Variants in MTCL1 observed in about 807,000 individuals in gnomAD.
MTCL1 encodes microtubule cross-linking factor 1.
A neutral mutation model predicts 141.4 loss-of-function variants in MTCL1; 79 were observed. That is an observed-to-expected ratio of 0.56 (90% CI 0.47 to 0.67). The LOEUF (loss-of-function observed/expected upper bound fraction) is 0.67, where lower values mean the gene tolerates loss of function less well. Among genes scored for constraint, MTCL1 ranks in the 30% least tolerant of loss-of-function variants. MTCL1 has a pLI of 0.00. For synonymous variants in MTCL1, 914 were observed against 875.8 expected, an observed-to-expected ratio of 1.04 and a Z score of -0.77; for missense variants, 2,177 against 2,113.9, an observed-to-expected ratio of 1.03 and a Z score of -0.59.
intron 11 of MTCL1, among the ~76,000 whole-genome samples, chr18:8,811,415 A>G (rs1283620026): frequency 6.6e-6 from 1 of 152,184 alleles, no homozygotes; most frequent in Admixed American, 6.5e-5. Flanking sequence ...GACACTGGGG[A>G]TCAGATTTCA....
chr18:8,771,898 G>T (rs764142455), intron 4 of MTCL1, among the ~76,000 whole-genome samples: 5 of 152,202 alleles, frequency 3.3e-5, no homozygotes, highest in Non-Finnish European at 7.3e-5. Flanking sequence ...TTAATAGTCT[G>T]CATTTACCTG....
intron 4 of MTCL1, among the ~76,000 whole-genome samples, chr18:8,749,192 G>A (rs1598480149): frequency 1.3e-5 from 2 of 152,324 alleles, no homozygotes. Context: ...TTTCATAAAG[G>A]CATGGGAGAG....
intron 7 of MTCL1, among the ~76,000 whole-genome samples, chr18:8,788,594 C>T (rs2075606022): frequency 1.3e-5 from 2 of 152,204 alleles, no homozygotes; most frequent in South Asian, 4.1e-4. Flanking sequence ...GTACCAGCAG[C>T]AGCAGTTGTA....
intron 2 of MTCL1, among the ~76,000 whole-genome samples, 171 bp from the exon 2 acceptor site, chr18:8,718,253 A>G (rs2096143126): frequency 6.6e-6 from 1 of 152,096 alleles, no homozygotes; most frequent in Non-Finnish European, 1.5e-5. Context: ...ATATTATCTC[A>G]TATGCAAATT....
chr18:8,734,596 T>C (rs1042240473), intron 4 of MTCL1, among the ~76,000 whole-genome samples: 1 of 152,144 alleles, frequency 6.6e-6, no homozygotes, highest in Admixed American at 6.5e-5. Flanking sequence ...CTCTAGATGT[T>C]TGGGCCCTTC....
In MTCL1 at chr18:8,825,893, G is replaced by C. The variant is rs757315801; in HGVS notation, c.4383G>C (p.Gln1461His). The change falls in exon 15 of 17, where the codon CAG becomes CAC. Residue 1461 changes from glutamine to histidine, a missense_variant. Transcript: ENST00000359865. The stretch of plus-strand genomic sequence containing the variant: ...GCCCCGTGGTGCAGGACCCCTTCCA[G>C]AAGGGGCTGCGGGCCGGCAGTCGGT... The C allele has an allele frequency of 3.7e-6, 6 of 1,613,462 alleles. No homozygotes were observed. The African/African-American group carries it at 8.0e-5, about 22-fold the overall frequency.
At chr18:8,794,187 G>A (rs1044931942) in intron 8 of MTCL1, among the ~76,000 whole-genome samples, 2 of 152,190 alleles carry the variant, frequency 1.3e-5, no homozygotes, top group Admixed American at 6.5e-5. Context: ...TGTTTGCATG[G>A]CACCAAAAAT....
At chr18:8,831,619 T>C in exon 17 of MTCL1, 1 of 1,550,554 alleles carries the variant, frequency 6.4e-7, no homozygotes, top group Non-Finnish European at 8.7e-7. Context: ...ACTACCTTGT[T>C]CTGCACTAGC....
At chr18:8,807,877 T>C (rs1311475998) in intron 11 of MTCL1, among the ~76,000 whole-genome samples, 2 of 152,070 alleles carry the variant, frequency 1.3e-5, no homozygotes, top group Non-Finnish European at 2.9e-5. Flanking sequence ...CTAGACTCTA[T>C]TTTGAGGCAA....
intron 4 of MTCL1, among the ~76,000 whole-genome samples, chr18:8,748,102 C>G (rs953316954): frequency 6.6e-6 from 1 of 152,154 alleles, no homozygotes; most frequent in African/African-American, 2.4e-5. Flanking sequence ...GCACCCCTGT[C>G]AGCTCTCTCC....
intron 4 of MTCL1, among the ~76,000 whole-genome samples, chr18:8,725,790 C>CTTTTTTTTTTTTTTTTTT (rs796484848): frequency 4.9e-5 from 3 of 61,068 alleles, no homozygotes; most frequent in African/African-American, 1.6e-4. Context: ...TTTTTTTTTT[C>CTTTTTTTTTTTTTTTTTT]TTTTTTTTTT....
intron 15 of MTCL1, 22 bp downstream of exon 14, chr18:8,826,254 A>G: frequency 6.5e-7 from 1 of 1,536,976 alleles, no homozygotes. Flanking sequence ...TGAGTGCCCC[A>G]CACCCTTCCC....
intron 4 of MTCL1, among the ~76,000 whole-genome samples, chr18:8,730,295 C>G (rs1412602702): frequency 6.6e-6 from 1 of 152,112 alleles, no homozygotes; most frequent in Non-Finnish European, 1.5e-5. Context: ...ACCTCTTTGC[C>G]TTTTGGTATG....
intron 3 of MTCL1, among the ~76,000 whole-genome samples, chr18:8,719,093 T>C (rs2096150821): frequency 6.6e-6 from 1 of 152,204 alleles, no homozygotes; most frequent in African/African-American, 2.4e-5. Flanking sequence ...CAAGTGAGAA[T>C]TGTGTAGTGA....
At chr18:8,821,579 A>T in intron 14 of MTCL1, 81 bp downstream of exon 13, 1 of 694,058 alleles carries the variant, frequency 1.4e-6, no homozygotes. Context: ...AATGCAGTCT[A>T]TTTTACCACT....
At chr18:8,821,349 T>C (rs2076840078) in intron 13 of MTCL1, 118 bp from the exon 13 acceptor site, 1 of 656,320 alleles carries the variant, frequency 1.5e-6, no homozygotes, top group East Asian at 2.9e-5. Context: ...TTGGCCTCAG[T>C]GCACATTTTA....
At chr18:8,729,118 A>G (rs2096236027) in intron 4 of MTCL1, among the ~76,000 whole-genome samples, 1 of 151,870 alleles carries the variant, frequency 6.6e-6, no homozygotes, top group Non-Finnish European at 1.5e-5. Context: ...ATCACAGCTC[A>G]AGGCAGCCTG....
intron 4 of MTCL1, among the ~76,000 whole-genome samples, chr18:8,732,863 G>C (rs2096257777): frequency 6.6e-6 from 1 of 152,240 alleles, no homozygotes; most frequent in African/African-American, 2.4e-5. Context: ...TTGCATCGTA[G>C]ATATGCTTTC....
At position 8,785,695 on chromosome 18, in the gene MTCL1, T is replaced by G. The variant is rs1282886706; in HGVS notation, c.1732-241T>G. 7.5e-6 allele frequency: 4 copies of G among 536,322 alleles called. No homozygotes were observed. The East Asian group carries it at 1.3e-4, about 18-fold the overall frequency. 33.2% of individuals were successfully genotyped at this position (536,322 alleles called of 1,614,324 possible). A position where few individuals can be genotyped will look rare whatever the true frequency, so the allele number is the denominator to read the frequency against. On this transcript the variant is annotated intron_variant, in intron 6 of 16. Transcript: ENST00000359865. ...TTTCTCTTTTTGCTTTTCAGATGTG[T>G]CCACCCGCCCCTTTGCTCATCCTCA...
Sources: allele counts gnomAD v4.1 joint callset (sites outside exome capture counted in the v4.1 genomes callset), GRCh38; gene constraint gnomAD v4.1.1; transcripts MANE v1.5; gene names NCBI Gene and HGNC (gene_info 2026-07-23, HGNC 2026-07-21).